ZNF804A: variants seen among roughly 807,000 people sequenced by gnomAD.
ZNF804A encodes zinc finger protein 804A.
In ZNF804A, 2 loss-of-function variants were observed where a neutral mutation model predicts 16.5. The observed-to-expected ratio is 0.12, with a 90% CI of 0.05 to 0.38. The LOEUF (loss-of-function observed/expected upper bound fraction) is 0.38, where lower values mean the gene tolerates loss of function less well. Ranked by LOEUF, ZNF804A falls within the 10% of genes least tolerant of loss-of-function variation. The probability of loss-of-function intolerance (pLI) is 0.99; values close to 1 mark genes in which losing one functional copy is unlikely to be tolerated. For synonymous variants in ZNF804A, 534 were observed against 489.6 expected, an observed-to-expected ratio of 1.09 and a Z score of -1.20; for missense variants, 1,473 against 1,390.7, an observed-to-expected ratio of 1.06 and a Z score of -0.94.
At chr2:184,782,256 CTGAG>C (rs1694381956) in intron 1 of ZNF804A, among the ~76,000 whole-genome samples, 3 of 151,460 alleles carry the variant, frequency 2.0e-5, no homozygotes, top group African/African-American at 7.3e-5. Context: ...GTGGTTAATA[CTGAG>C]TGTCAACTTG....
At chr2:184,766,496 TTA>T (rs1184488451) in intron 1 of ZNF804A, among the ~76,000 whole-genome samples, 1 of 151,962 alleles carries the variant, frequency 6.6e-6, no homozygotes, top group African/African-American at 2.4e-5. Context: ...GGCTTCTGTT[TTA>T]GAGTGAATAT....
chr2:184,605,282 C>G (rs1691127005), intron 1 of ZNF804A, among the ~76,000 whole-genome samples: 1 of 152,038 alleles, frequency 6.6e-6, no homozygotes, highest in African/African-American at 2.4e-5. Context: ...GAAGAAATTA[C>G]TTATATCTGT....
intron 1 of ZNF804A, among the ~76,000 whole-genome samples, chr2:184,771,643 A>C (rs944651221): frequency 6.6e-6 from 1 of 151,914 alleles, no homozygotes; most frequent in Non-Finnish European, 1.5e-5. Context: ...CATCTGTTAG[A>C]TCAACTGGAT....
At chr2:184,720,865 C>A (rs1388314714) in intron 1 of ZNF804A, among the ~76,000 whole-genome samples, 1 of 152,046 alleles carries the variant, frequency 6.6e-6, no homozygotes, top group Non-Finnish European at 1.5e-5. Flanking sequence ...GCTATAGTAA[C>A]CAAACAGCAT....
At chr2:184,677,344 C>T (rs186538711) in intron 1 of ZNF804A, among the ~76,000 whole-genome samples, 3 of 152,006 alleles carry the variant, frequency 2.0e-5, no homozygotes, top group Admixed American at 2.0e-4. Context: ...ATCATTTCCT[C>T]CTGTTTATGG....
intron 2 of ZNF804A, among the ~76,000 whole-genome samples, chr2:184,916,856 A>C (rs1685457174): frequency 6.6e-6 from 1 of 152,074 alleles, no homozygotes; most frequent in Non-Finnish European, 1.5e-5. Flanking sequence ...TCAAACAAAA[A>C]AACAAAACAA....
At chr2:184,813,183 G>T (rs1055778818) in intron 1 of ZNF804A, among the ~76,000 whole-genome samples, 1 of 151,880 alleles carries the variant, frequency 6.6e-6, no homozygotes, top group Non-Finnish European at 1.5e-5. Context: ...ATACAAAGTG[G>T]TTTAAAATTG....
chr2:184,692,812 G>A (rs1692754299), intron 1 of ZNF804A, among the ~76,000 whole-genome samples: 1 of 152,120 alleles, frequency 6.6e-6, no homozygotes, highest in African/African-American at 2.4e-5. Context: ...CATTTAGCCA[G>A]TATAAGTAGC....
intron 1 of ZNF804A, among the ~76,000 whole-genome samples, chr2:184,715,233 A>C (rs979885230): frequency 1.7e-4 from 26 of 152,270 alleles, no homozygotes; most frequent in African/African-American, 6.3e-4. Context: ...ATTATTGGGT[A>C]ATGAGGACTA....
chr2:184,824,573 C>A (rs1360232952), intron 1 of ZNF804A, among the ~76,000 whole-genome samples: 1 of 152,136 alleles, frequency 6.6e-6, no homozygotes, highest in East Asian at 1.9e-4. Flanking sequence ...CTATACACAT[C>A]TCCAATATTA....
chr2:184,786,493 T>C (rs1694451118), intron 1 of ZNF804A, among the ~76,000 whole-genome samples: 1 of 152,024 alleles, frequency 6.6e-6, no homozygotes, highest in Non-Finnish European at 1.5e-5. Flanking sequence ...ATTAAGGAAA[T>C]AAATTATTTC....
At chr2:184,748,269 A>G (rs562112719) in intron 1 of ZNF804A, among the ~76,000 whole-genome samples, 6 of 146,730 alleles carry the variant, frequency 4.1e-5, no homozygotes, top group Non-Finnish European at 9.1e-5. Context: ...TCTTTTCTCC[A>G]TAGCCTCACT....
intron 1 of ZNF804A, among the ~76,000 whole-genome samples, chr2:184,626,213 A>G (rs916148733): frequency 4.6e-5 from 7 of 151,640 alleles, no homozygotes; most frequent in Non-Finnish European, 1.0e-4. Flanking sequence ...CAATTTTCCA[A>G]TTTTTCTTTG....
intron 2 of ZNF804A, among the ~76,000 whole-genome samples, chr2:184,870,905 C>A (rs1344088708): frequency 6.6e-6 from 1 of 151,724 alleles, no homozygotes; most frequent in Admixed American, 6.6e-5. Flanking sequence ...ATAATAGCAA[C>A]AATTTACATA....
intron 1 of ZNF804A, among the ~76,000 whole-genome samples, chr2:184,745,560 A>C (rs1693777566): frequency 6.6e-6 from 1 of 151,704 alleles, no homozygotes; most frequent in Admixed American, 6.6e-5. Flanking sequence ...TATGAAGAAC[A>C]AAAGCCTAAA....
intron 2 of ZNF804A, among the ~76,000 whole-genome samples, chr2:184,911,699 G>A (rs1223574960): frequency 6.6e-6 from 1 of 151,762 alleles, no homozygotes; most frequent in Non-Finnish European, 1.5e-5. Context: ...TCCTTGGTTA[G>A]ACGTATTCTT....
intron 1 of ZNF804A, among the ~76,000 whole-genome samples, chr2:184,742,299 T>A (rs1445628427): frequency 6.6e-6 from 1 of 152,054 alleles, no homozygotes; most frequent in Non-Finnish European, 1.5e-5. Flanking sequence ...AGTGTTTCAA[T>A]TACCATAATT....
At chr2:184,857,520 A>G (rs74437737) in intron 1 of ZNF804A, among the ~76,000 whole-genome samples, 5,973 of 152,114 alleles carry the variant, frequency 0.039, 381 homozygotes, top group African/African-American at 0.13. Flanking sequence ...TTTAAGTCCC[A>G]TGTTTCCTTA....
chr2:184,777,941 C>T lies in ZNF804A; in HGVS notation c.112-88428C>T, dbSNP rs1694313443. ...GAGTATCAAAATATAATTGACTGAACAGCATACTGTAATATAAGCAATTAA... is the reference window on the plus strand; with the variant it reads ...GAGTATCAAAATATAATTGACTGAATAGCATACTGTAATATAAGCAATTAA... On this transcript the variant is annotated intron_variant, in intron 1 of 3. Transcript: ENST00000302277. 7.3e-5 allele frequency among the ~76,000 whole-genome samples: 11 copies of T among 151,550 alleles called. No homozygotes were observed. In the Admixed American group the frequency reaches 7.3e-4, roughly 10 times the overall value.
Sources: gnomAD v4.1 joint callset for allele counts (sites outside exome capture counted in the v4.1 genomes callset) on GRCh38, gnomAD v4.1.1 for gene constraint, MANE v1.5 for transcripts, NCBI Gene and HGNC (gene_info 2026-07-23, HGNC 2026-07-21) for gene names.